The following MRPS6 variants were observed in gnomAD, a reference collection of about 807,000 sequenced individuals.
MRPS6 encodes small ribosomal subunit protein bS6m.
A neutral mutation model predicts 13.1 loss-of-function variants in MRPS6; 6 were observed. The ratio of observed to expected loss-of-function variants is 0.46; its 90% CI spans 0.25 to 0.91. The LOEUF is 0.91. Among genes scored for constraint, MRPS6 ranks in the 40% least tolerant of loss-of-function variants. The probability of loss-of-function intolerance (pLI) is 0.18; values close to 1 mark genes in which losing one functional copy is unlikely to be tolerated. For missense variants in MRPS6, 164 were observed against 155.6 expected, an observed-to-expected ratio of 1.05 and a Z score of -0.29; for synonymous variants, 61 against 56.5, an observed-to-expected ratio of 1.08 and a Z score of -0.36.
intron 1 of MRPS6, among the ~76,000 whole-genome samples, chr21:34,078,072 A>G (rs780674577): frequency 2.6e-5 from 4 of 152,166 alleles, no homozygotes; most frequent in African/African-American, 4.8e-5. Context: ...ATAACTAGGA[A>G]ATAGTGAAGT....
At chr21:34,105,923 T>C (rs897894161) in intron 1 of MRPS6, 1 of 988,710 alleles carries the variant, frequency 1.0e-6, no homozygotes, top group Non-Finnish European at 1.2e-6. Flanking sequence ...TTCTAACCTA[T>C]TGTGTACAAT....
chr21:34,075,768 CAA>C (rs1416714823), intron 1 of MRPS6, among the ~76,000 whole-genome samples: 1 of 152,164 alleles, frequency 6.6e-6, no homozygotes, highest in East Asian at 1.9e-4. Flanking sequence ...GGCACAAACA[CAA>C]AGACTTCCAG....
At chr21:34,104,333 G>C (rs189238059) in intron 1 of MRPS6, 1 of 997,654 alleles carries the variant, frequency 1.0e-6, no homozygotes, top group Non-Finnish European at 1.2e-6. Context: ...AGAAGAAAAC[G>C]TATGTTCTTC....
chr21:34,104,535 C>A (rs2148662690), intron 1 of MRPS6: 1 of 996,192 alleles, frequency 1.0e-6, no homozygotes, highest in South Asian at 4.7e-5. Context: ...TTGGTCAACT[C>A]TAATATATCT....
chr21:34,122,251 A>C (rs760949141), intron 1 of MRPS6: 1 of 152,150 alleles, frequency 6.6e-6, no homozygotes, highest in Non-Finnish European at 1.5e-5. Context: ...TTCCAGTTCA[A>C]CTTTATTTGC....
intron 1 of MRPS6, chr21:34,098,795 A>C (rs1979094522): frequency 2.0e-6 from 2 of 1,000,108 alleles, no homozygotes; most frequent in African/African-American, 3.5e-5. Context: ...AAAGCTCTAC[A>C]GATTACGTAC....
At chr21:34,110,950 T>C (rs1374766063) in intron 1 of MRPS6, among the ~76,000 whole-genome samples, 1 of 152,178 alleles carries the variant, frequency 6.6e-6, no homozygotes, top group Non-Finnish European at 1.5e-5. Flanking sequence ...CCTTCAGCAC[T>C]GCACTTGGGA....
intron 1 of MRPS6, 39 bp from the exon 2 acceptor site, chr21:34,125,302 G>T (rs372454757): frequency 6.2e-7 from 1 of 1,603,144 alleles, no homozygotes; most frequent in Non-Finnish European, 8.5e-7. Context: ...TAATTCTGAT[G>T]CTTTTTTTTC....
intron 1 of MRPS6, chr21:34,101,648 C>T (rs1253391701): frequency 1.1e-5 from 11 of 1,000,082 alleles, no homozygotes; most frequent in African/African-American, 1.7e-5. Flanking sequence ...TTTTTGTCAG[C>T]TTAGTTCACT....
At chr21:34,074,785 A>G (rs1446128872) in intron 1 of MRPS6, among the ~76,000 whole-genome samples, 2 of 152,266 alleles carry the variant, frequency 1.3e-5, no homozygotes, top group Non-Finnish European at 2.9e-5. Flanking sequence ...TACGTTTGAA[A>G]TTAGGCTCCA....
chr21:34,127,716 A>G (rs1980357420), intron 2 of MRPS6, among the ~76,000 whole-genome samples: 1 of 152,210 alleles, frequency 6.6e-6, no homozygotes, highest in African/African-American at 2.4e-5. Flanking sequence ...CCCCATAATC[A>G]CTAACCCTAA....
Position 34,096,763 on chromosome 21 carries a change from C to T in MRPS6, c.45+23018C>T, listed in dbSNP as rs1978981196. ...GTGGCCACAGGATTGTTTTGGGTCA[C>T]GGGACTCATTACTGTAATTGTGAGC... On this transcript the variant is annotated intron_variant, in intron 1 of 2. Coordinates refer to ENST00000399312, the MANE Select transcript of MRPS6 (RefSeq NM_032476.4). The surrounding 1 kb of genome is among the most constrained non-coding windows in gnomAD (Gnocchi z 5.9). 1.9e-6 allele frequency: 3 copies of T among 1,614,000 alleles called. No individual in the cohort carries two copies. Among genetic ancestry groups the T allele is most frequent in the Non-Finnish European group, 2.5e-6 (3 of 1,179,974 alleles).
intron 2 of MRPS6, among the ~76,000 whole-genome samples, chr21:34,129,172 C>A (rs1980412910): frequency 6.6e-6 from 1 of 152,074 alleles, no homozygotes; most frequent in Non-Finnish European, 1.5e-5. Flanking sequence ...TAGACCCGTG[C>A]TATAAAGGGG....
At chr21:34,126,205 T>A (rs565924546) in intron 2 of MRPS6, among the ~76,000 whole-genome samples, 1 of 152,200 alleles carries the variant, frequency 6.6e-6, no homozygotes, top group Admixed American at 6.5e-5. Flanking sequence ...TCCCCTTCTG[T>A]TTCTGGCTTC....
At position 34,096,393 on chromosome 21, in the gene MRPS6, C is replaced by A. The variant is rs746093403; in HGVS notation, c.45+22648C>A. The stretch of plus-strand genomic sequence containing the variant: ...CACCCTCGATGTGTACAAACTTATC[C>A]GCAAGAGCGCAAGCTCCCGGGAGTT... On this transcript the variant is annotated intron_variant, in intron 1 of 2. Coordinates refer to ENST00000399312, the MANE Select transcript of MRPS6 (RefSeq NM_032476.4). This position sits in a 1 kb window ranked among gnomAD's most constrained non-coding sequence, Gnocchi z 5.9. 5 of 1,614,132 alleles carry A rather than the reference C, an allele frequency of 3.1e-6. No homozygotes were observed. The highest frequency in any genetic ancestry group is 4.2e-6 in the Non-Finnish European group (5 of 1,180,024).
At chr21:34,122,342 C>A (rs541499180) in intron 1 of MRPS6, 68 of 152,230 alleles carry the variant, frequency 4.5e-4, no homozygotes, top group African/African-American at 1.5e-3. Context: ...GTCTATGGGG[C>A]GTTATTTTTG....
At chr21:34,133,036 T>C (rs1403757158) in intron 2 of MRPS6, among the ~76,000 whole-genome samples, 1 of 152,196 alleles carries the variant, frequency 6.6e-6, no homozygotes, top group Non-Finnish European at 1.5e-5. Context: ...AGAGGGCTGC[T>C]GGACCCCAAC....
At chr21:34,130,732 A>G (rs761907696) in intron 2 of MRPS6, among the ~76,000 whole-genome samples, 2 of 152,188 alleles carry the variant, frequency 1.3e-5, no homozygotes, top group Non-Finnish European at 2.9e-5. Flanking sequence ...TGAGAAATGC[A>G]TTAGTGTCCT....
chr21:34,075,225 TC>T (rs1300933025), intron 1 of MRPS6, among the ~76,000 whole-genome samples: 1 of 152,226 alleles, frequency 6.6e-6, no homozygotes, highest in Non-Finnish European at 1.5e-5. Context: ...TTGTTTACTT[TC>T]CTTGTCTTGG....
Sources: gnomAD v4.1 joint callset for allele counts (sites outside exome capture counted in the v4.1 genomes callset) on GRCh38, gnomAD v4.1.1 for gene constraint, Gnocchi (gnomAD v3.1) non-coding constraint, MANE v1.5 for transcripts, NCBI Gene and HGNC (gene_info 2026-07-23, HGNC 2026-07-21) for gene names.